WDFY3: variants seen among roughly 807,000 people sequenced by gnomAD.
WDFY3 encodes WD repeat and FYVE domain-containing protein 3.
In WDFY3, 66 loss-of-function variants were observed where a neutral mutation model predicts 409.6. The observed-to-expected ratio is 0.16, with a 90% CI of 0.13 to 0.20. WDFY3 has a LOEUF of 0.20. WDFY3 is among the 10% of genes least tolerant of loss of function. WDFY3 has a pLI of 1.00. For synonymous variants in WDFY3, 1,521 were observed against 1,537.1 expected (o/e 0.99, Z 0.25); for missense variants, 3,031 against 4,298.1 (o/e 0.71, Z 8.24).
intron 40 of WDFY3, among the ~76,000 whole-genome samples, chr4:84,738,169 C>T (rs1335884465): frequency 6.6e-6 from 1 of 152,102 alleles, no homozygotes; most frequent in Non-Finnish European, 1.5e-5. Flanking sequence ...AACTATCGCA[C>T]AGTATTTCTG....
chr4:84,901,347 T>A (rs1368058306), intron 2 of WDFY3, among the ~76,000 whole-genome samples: 1 of 152,072 alleles, frequency 6.6e-6, no homozygotes, highest in Non-Finnish European at 1.5e-5. Context: ...CATTCATGGA[T>A]TAAGGTCCTC....
intron 63 of WDFY3, 177 bp from the exon 64 acceptor site, chr4:84,682,647 C>G (rs531857340): frequency 1.7e-6 from 1 of 603,972 alleles, no homozygotes; most frequent in African/African-American, 1.9e-5. Context: ...CACACAATGG[C>G]TGTTTCAAAG....
intron 1 of WDFY3, among the ~76,000 whole-genome samples, chr4:84,956,633 A>G (rs1774272713): frequency 6.6e-6 from 1 of 152,210 alleles, no homozygotes. Context: ...ACAATACTTT[A>G]AATCCACTGG....
intron 11 of WDFY3, 79 bp from the exon 12 acceptor site, chr4:84,820,265 CT>C: frequency 8.5e-7 from 1 of 1,178,562 alleles, no homozygotes; most frequent in Non-Finnish European, 1.2e-6. Context: ...GTAATAATTT[CT>C]TTATTTCTTC....
At chr4:84,824,297 C>G (rs546964667) in intron 10 of WDFY3, among the ~76,000 whole-genome samples, 1 of 152,062 alleles carries the variant, frequency 6.6e-6, no homozygotes, top group Non-Finnish European at 1.5e-5. Context: ...TTGTGTATTG[C>G]TATAATTGTT....
In WDFY3 at chr4:84,896,982, T is replaced by G. The variant is rs1765722874; in HGVS notation, c.-103A>C. 1 of 152,198 alleles carries G rather than the reference T, an allele frequency of 6.6e-6. No homozygotes were observed. The highest frequency in any genetic ancestry group is 1.5e-5 in the Non-Finnish European group (1 of 68,042). 9.4% of individuals were successfully genotyped at this position (152,198 alleles called of 1,614,324 possible). ...TAGGGCCCATTCGCTTGAAGGTATT[T>G]TACTCAAAACTTGAAATCTGGGCTC... is the stretch of plus-strand genomic sequence containing the variant. On this transcript the variant is annotated 5_prime_UTR_variant, in exon 3 of 68. The change abolishes the stop of an existing upstream ORF in the 5' untranslated region. Transcript: ENST00000295888.
At chr4:84,724,623 G>A (rs751348419) in intron 45 of WDFY3, 29 bp from the exon 46 acceptor site, 37 of 1,600,710 alleles carry the variant, frequency 2.3e-5, no homozygotes, top group Non-Finnish European at 2.9e-5. Flanking sequence ...AAATGACTCC[G>A]ATAACTATCA....
chr4:84,751,537 G>A lies in WDFY3; in HGVS notation c.5919C>T (p.Asn1973=). 1 of 1,614,184 alleles carries A rather than the reference G, an allele frequency of 6.2e-7. No individual in the cohort carries two copies. Among genetic ancestry groups the A allele is most frequent in the Non-Finnish European group, 8.5e-7 (1 of 1,180,024 alleles). The change falls in exon 36 of 68, where the codon AAC becomes AAT. Residue 1973 remains asparagine (N), a synonymous_variant. Coordinates refer to ENST00000295888, the MANE Select transcript of WDFY3 (RefSeq NM_014991.6). ...GCTTGCTGGCAGGAGTGAGACAGAG[G>A]TTGTCTATGATTAAGACCCGCATGA... ...FDFMRVLIID[N]LCLTPASKQT...
intron 36 of WDFY3, among the ~76,000 whole-genome samples, chr4:84,745,371 C>T (rs1164843448): frequency 6.6e-6 from 1 of 152,170 alleles, no homozygotes; most frequent in Non-Finnish European, 1.5e-5. Flanking sequence ...GAAGAACCTA[C>T]TTATTCTTGA....
chr4:84,784,764 G>A (rs1747167089), intron 24 of WDFY3, among the ~76,000 whole-genome samples: 1 of 146,430 alleles, frequency 6.8e-6, no homozygotes, highest in Admixed American at 6.8e-5. Context: ...CTTGAACCCA[G>A]GAGACAGAGG....
intron 44 of WDFY3, among the ~76,000 whole-genome samples, chr4:84,730,719 T>C (rs530122940): frequency 3.9e-5 from 6 of 152,206 alleles, no homozygotes; most frequent in Non-Finnish European, 7.4e-5. Flanking sequence ...CTAGGCCATA[T>C]TGGAAGAAAA....
intron 13 of WDFY3, 44 bp from the exon 14 acceptor site, chr4:84,810,388 C>CAAAA: frequency 2.4e-6 from 2 of 840,574 alleles, no homozygotes; most frequent in Non-Finnish European, 1.6e-6. Context: ...ACACATAATT[C>CAAAA]AAAAAAAAAA....
At chr4:84,914,298 A>G (rs1321251672) in intron 2 of WDFY3, among the ~76,000 whole-genome samples, 4 of 152,012 alleles carry the variant, frequency 2.6e-5, no homozygotes, top group African/African-American at 4.8e-5. Flanking sequence ...GCAGGTGCCT[A>G]TAATCCCAGC....
chr4:84,827,277 G>T (rs1397175158), intron 9 of WDFY3, among the ~76,000 whole-genome samples: 1 of 151,906 alleles, frequency 6.6e-6, no homozygotes, highest in Admixed American at 6.6e-5. Context: ...AAGTAGGAAA[G>T]AAGAAAAAGT....
chr4:84,682,185 T>C (rs1184181261), intron 64 of WDFY3, among the ~76,000 whole-genome samples, 189 bp downstream of exon 64: 1 of 152,230 alleles, frequency 6.6e-6, no homozygotes, highest in African/African-American at 2.4e-5. Flanking sequence ...CTACACTGAA[T>C]GTTGCCCAGT....
intron 1 of WDFY3, among the ~76,000 whole-genome samples, chr4:84,933,847 T>C (rs1347642315): frequency 2.6e-5 from 4 of 152,166 alleles, no homozygotes; most frequent in Non-Finnish European, 4.4e-5. Flanking sequence ...TTGTTGCAAA[T>C]GACAGGATCT....
intron 51 of WDFY3, among the ~76,000 whole-genome samples, chr4:84,709,573 T>C (rs773611236): frequency 1.3e-5 from 2 of 152,172 alleles, no homozygotes; most frequent in African/African-American, 2.4e-5. Context: ...GCATCACATA[T>C]AGTAAGAAAA....
In WDFY3 at chr4:84,672,817, G is replaced by C. The variant is rs371938141; in HGVS notation, c.*51C>G. On this transcript the variant is annotated 3_prime_UTR_variant, in exon 68 of 68. Transcript: ENST00000295888. ...CAATGCCTTCCAAGCTGGGACAGGA[G>C]AATCGGGAAGGGGTCTACAGACCAT... 3.1e-6 allele frequency: 5 copies of C among 1,603,304 alleles called. No individual in the cohort carries two copies. Among genetic ancestry groups the C allele is most frequent in the Non-Finnish European group, 4.3e-6 (5 of 1,175,156 alleles).
chr4:84,849,780 A>AT, intron 5 of WDFY3, 122 bp downstream of exon 5: 1 of 1,323,076 alleles, frequency 7.6e-7, no homozygotes, highest in African/African-American at 1.5e-5. Flanking sequence ...GGGAAAGGGA[A>AT]TGGGTAAATG....
Sources: allele counts gnomAD v4.1 joint callset (sites outside exome capture counted in the v4.1 genomes callset), GRCh38; gene constraint gnomAD v4.1.1; transcripts MANE v1.5; gene names NCBI Gene and HGNC (gene_info 2026-07-23, HGNC 2026-07-21).